The following RTL4 variants were observed in gnomAD, a reference collection of about 807,000 sequenced individuals.
RTL4 encodes the protein retrotransposon Gag like 4.
RTL4 carries 4 observed loss-of-function variants against 5.3 expected under a neutral mutation model. The ratio of observed to expected loss-of-function variants is 0.75; its 90% CI spans 0.37 to 1.72. The LOEUF is 1.72. Among genes scored for constraint, RTL4 ranks in the 40% most tolerant of loss-of-function variants. The pLI is 0.04. For missense variants in RTL4, 260 were observed against 227.1 expected (o/e 1.14, Z -0.93); for synonymous variants, 98 against 87.3 (o/e 1.12, Z -0.68).
At chrX:112,083,323 G>A in the RTL4 span, among the ~76,000 whole-genome samples, 1 of 112,442 alleles carries the variant, frequency 8.9e-6, no homozygotes, top group African/African-American at 3.2e-5. Context: ...GCCCACCCCC[G>A]TCAGCCTGGG....
the RTL4 span, among the ~76,000 whole-genome samples, chrX:112,215,206 A>G: frequency 2.7e-5 from 3 of 111,750 alleles, no homozygotes; most frequent in African/African-American, 9.8e-5. Flanking sequence ...ATGTTTAGTG[A>G]TCAAATCAGG....
At chrX:112,281,414 A>C in the RTL4 span, among the ~76,000 whole-genome samples, 1 of 112,000 alleles carries the variant, frequency 8.9e-6, no homozygotes, top group Non-Finnish European at 1.9e-5. Flanking sequence ...TTGATTCCGT[A>C]TTTGGGCTAT....
chrX:112,096,847 G>T, the RTL4 span, among the ~76,000 whole-genome samples: 2 of 112,165 alleles, frequency 1.8e-5, no homozygotes, highest in Admixed American at 9.4e-5. Context: ...GGGTACAATT[G>T]GAAGATGCCA....
At chrX:112,383,181 G>C in the RTL4 span, among the ~76,000 whole-genome samples, 1 of 111,478 alleles carries the variant, frequency 9.0e-6, no homozygotes, top group Non-Finnish European at 1.9e-5. Flanking sequence ...TTCCCATTTA[G>C]TATAACTGTA....
At chrX:112,244,829 G>A in the RTL4 span, among the ~76,000 whole-genome samples, 2 of 111,774 alleles carry the variant, frequency 1.8e-5, no homozygotes, top group East Asian at 5.6e-4. Context: ...GCAGTGGTTG[G>A]TACCAGTTGT....
the RTL4 span, among the ~76,000 whole-genome samples, chrX:112,103,707 C>A: frequency 9.1e-6 from 1 of 110,236 alleles, no homozygotes; most frequent in Non-Finnish European, 1.9e-5. Flanking sequence ...TAGAAGGATT[C>A]CTTTCAAGAA....
the RTL4 span, among the ~76,000 whole-genome samples, chrX:112,422,614 G>A: frequency 9.0e-6 from 1 of 110,954 alleles, no homozygotes; most frequent in South Asian, 3.8e-4. Context: ...TAGGCATGAG[G>A]CACCTTAAAG....
chrX:112,437,029 T>C, the RTL4 span, among the ~76,000 whole-genome samples: 3 of 111,973 alleles, frequency 2.7e-5, no homozygotes, highest in Non-Finnish European at 3.8e-5. Flanking sequence ...ATACCAATGA[T>C]AGTAAATGGA....
At chrX:112,201,724 G>A in the RTL4 span, among the ~76,000 whole-genome samples, 15 of 110,317 alleles carry the variant, frequency 1.4e-4, no homozygotes, top group Non-Finnish European at 1.9e-5. Context: ...TTAGAACTTG[G>A]GTTTTACATT....
chrX:112,223,770 C>T, the RTL4 span, among the ~76,000 whole-genome samples: 16 of 112,387 alleles, frequency 1.4e-4, no homozygotes, highest in African/African-American at 3.5e-4. Context: ...TATCTCTCTG[C>T]CCCCACCTAA....
chrX:112,098,348 C>A, the RTL4 span, among the ~76,000 whole-genome samples: 1 of 111,275 alleles, frequency 9.0e-6, no homozygotes, highest in Non-Finnish European at 1.9e-5. Flanking sequence ...TTTTCTTAAT[C>A]TAGTCTATCA....
chrX:112,404,236 T>A, the RTL4 span, among the ~76,000 whole-genome samples: 1 of 112,253 alleles, frequency 8.9e-6, no homozygotes, highest in Non-Finnish European at 1.9e-5. Flanking sequence ...ATTAGCACAA[T>A]TACATTGTCG....
At chrX:112,094,745 G>A in the RTL4 span, among the ~76,000 whole-genome samples, 4 of 111,599 alleles carry the variant, frequency 3.6e-5, no homozygotes, top group Non-Finnish European at 7.6e-5. Flanking sequence ...TCAAGAGAGA[G>A]TAATCGACAG....
At chrX:112,230,531 C>CT in the RTL4 span, among the ~76,000 whole-genome samples, 1 of 112,274 alleles carries the variant, frequency 8.9e-6, no homozygotes, top group African/African-American at 3.2e-5. Flanking sequence ...ACTGCACCCA[C>CT]TGTCTGGCAC....
the RTL4 span, among the ~76,000 whole-genome samples, chrX:112,243,157 T>A: frequency 1.3e-4 from 14 of 111,439 alleles, no homozygotes; most frequent in African/African-American, 4.6e-4. Flanking sequence ...ATTCTCTTTT[T>A]TGTTGTTGTT....
the RTL4 span, among the ~76,000 whole-genome samples, chrX:112,293,233 A>G: frequency 8.9e-6 from 1 of 112,391 alleles, no homozygotes; most frequent in Admixed American, 9.4e-5. Context: ...CTTCCTTCCC[A>G]TGGCTGGCTA....
the RTL4 span, among the ~76,000 whole-genome samples, chrX:112,149,487 G>A: frequency 1.8e-5 from 2 of 111,131 alleles, no homozygotes; most frequent in African/African-American, 6.5e-5. Flanking sequence ...AATATCTGGG[G>A]AAGAACATTC....
chrX:112,165,660 T>G, the RTL4 span, among the ~76,000 whole-genome samples: 1 of 111,843 alleles, frequency 8.9e-6, no homozygotes, highest in African/African-American at 3.2e-5. Context: ...CCTGTACTTT[T>G]TATTACTTTG....
At chrX:112,295,655 C>T in the RTL4 span, among the ~76,000 whole-genome samples, 6 of 112,329 alleles carry the variant, frequency 5.3e-5, no homozygotes, top group Non-Finnish European at 1.1e-4. Flanking sequence ...ATGAGCCTTC[C>T]GGGGCATTAT....
Sources: allele counts gnomAD v4.1 joint callset (sites outside exome capture counted in the v4.1 genomes callset), GRCh38; gene constraint gnomAD v4.1.1; transcripts MANE v1.5; gene names NCBI Gene and HGNC (gene_info 2026-07-23, HGNC 2026-07-21).